The following SPTLC3 variants were observed in gnomAD, a reference collection of about 807,000 sequenced individuals.
SPTLC3 encodes the protein serine palmitoyltransferase 3.
SPTLC3 carries 36 observed loss-of-function variants against 59.3 expected under a neutral mutation model. That is an observed-to-expected ratio of 0.61 (90% CI 0.47 to 0.80). The LOEUF (loss-of-function observed/expected upper bound fraction) is 0.80, where lower values mean the gene tolerates loss of function less well. Ranked by LOEUF, SPTLC3 falls within the 30% of genes least tolerant of loss-of-function variation. SPTLC3 has a pLI of 0.00. For synonymous variants in SPTLC3, 257 were observed against 240.8 expected (o/e 1.07, Z -0.62); for missense variants, 625 against 685.1 (o/e 0.91, Z 0.98).
At chr20:13,072,471 T>A in intron 3 of SPTLC3, 61 bp downstream of exon 3, 1 of 1,456,850 alleles carries the variant, frequency 6.9e-7, no homozygotes, top group Non-Finnish European at 9.2e-7. Context: ...AATCCTAGCA[T>A]GGCCACTAGA....
At chr20:13,017,226 C>A (rs1432884535) in intron 1 of SPTLC3, among the ~76,000 whole-genome samples, 2 of 152,142 alleles carry the variant, frequency 1.3e-5, no homozygotes, top group Admixed American at 1.3e-4. Context: ...ACAAATGACA[C>A]CAAACTGTCA....
chr20:13,136,351 C>T (rs952421170), intron 9 of SPTLC3, among the ~76,000 whole-genome samples: 1 of 152,098 alleles, frequency 6.6e-6, no homozygotes, highest in Non-Finnish European at 1.5e-5. Flanking sequence ...AATTCCAGCA[C>T]TTTGCGAGGC....
At chr20:13,067,874 A>G (rs1988285451) in intron 2 of SPTLC3, among the ~76,000 whole-genome samples, 1 of 152,248 alleles carries the variant, frequency 6.6e-6, no homozygotes. Flanking sequence ...TGTAGACGCA[A>G]ATGAATAACA....
chr20:13,074,533 T>G, intron 4 of SPTLC3, 36 bp downstream of exon 4: 2 of 1,583,604 alleles, frequency 1.3e-6, no homozygotes, highest in Non-Finnish European at 1.7e-6. Context: ...TTTTTGCTGT[T>G]AGGTCTCAGA....
At chr20:13,041,242 CAT>C (rs1277671404) in intron 1 of SPTLC3, among the ~76,000 whole-genome samples, 2 of 152,050 alleles carry the variant, frequency 1.3e-5, no homozygotes, top group Non-Finnish European at 2.9e-5. Context: ...CGGTATCCCA[CAT>C]GTTTCAGAGG....
intron 8 of SPTLC3, among the ~76,000 whole-genome samples, chr20:13,123,625 C>A (rs900891528): frequency 1.1e-4 from 17 of 152,154 alleles, no homozygotes; most frequent in Non-Finnish European, 2.5e-4. Flanking sequence ...AGTTCCTCAT[C>A]CCCTTGTCTC....
chr20:13,073,695 C>G, intron 3 of SPTLC3: 1 of 395,998 alleles, frequency 2.5e-6, no homozygotes, highest in South Asian at 2.4e-5. Context: ...TCTGCTTGTT[C>G]ATTGCTGCAG....
intron 1 of SPTLC3, among the ~76,000 whole-genome samples, chr20:13,019,773 C>A (rs1456095805): frequency 6.6e-6 from 1 of 152,194 alleles, no homozygotes; most frequent in Non-Finnish European, 1.5e-5. Context: ...TTCTCTAAAT[C>A]TGGTCTAACT....
At chr20:13,056,513 T>A in intron 2 of SPTLC3, among the ~76,000 whole-genome samples, 1 of 148,652 alleles carries the variant, frequency 6.7e-6, no homozygotes, top group South Asian at 2.1e-4. Context: ...ACTAATGCAA[T>A]CTCGGCTCAC....
intron 9 of SPTLC3, among the ~76,000 whole-genome samples, chr20:13,142,975 G>T (rs2038420740): frequency 6.6e-6 from 1 of 152,110 alleles, no homozygotes; most frequent in Non-Finnish European, 1.5e-5. Context: ...GACCTAATCA[G>T]GGCTCTCTTA....
chr20:13,084,745 TTATAGAA>T (rs1236596240), intron 4 of SPTLC3, among the ~76,000 whole-genome samples: 1 of 152,218 alleles, frequency 6.6e-6, no homozygotes, highest in African/African-American at 2.4e-5. Context: ...GTTGCTTACT[TTATAGAA>T]TATGTGTAGG....
intron 9 of SPTLC3, among the ~76,000 whole-genome samples, chr20:13,137,304 T>A (rs1360079189): frequency 6.6e-6 from 1 of 152,164 alleles, no homozygotes; most frequent in Non-Finnish European, 1.5e-5. Context: ...GGCTGTAGAA[T>A]TCTACTTGCA....
chr20:13,101,623 C>A (rs1306680821), intron 6 of SPTLC3, among the ~76,000 whole-genome samples: 1 of 152,200 alleles, frequency 6.6e-6, no homozygotes, highest in African/African-American at 2.4e-5. Context: ...TCAGCTGCAA[C>A]CAGGAACCAA....
Position 13,091,215 on chromosome 20 carries a change from T to C in SPTLC3, c.732+8T>C, listed in dbSNP as rs369827517. On this transcript the variant is annotated splice_region_variant and intron_variant, in intron 5 of 11. Transcript: ENST00000399002. The stretch of plus-strand genomic sequence containing the variant: ...CCAGCATTAGTTGGAAAGGTGAGAA[T>C]TGTTAACCTAATTGTCTTCTACTGT... 5.0e-5 allele frequency: 80 copies of C among 1,612,892 alleles called. No homozygotes were observed. Among genetic ancestry groups the C allele is most frequent in the Middle Eastern group, 1.6e-4 (1 of 6,076 alleles).
At chr20:13,134,763 C>CAA (rs5840554) in intron 9 of SPTLC3, among the ~76,000 whole-genome samples, 10 of 144,938 alleles carry the variant, frequency 6.9e-5, no homozygotes, top group African/African-American at 2.5e-4. Flanking sequence ...AAGGACCTAG[C>CAA]AAAAAAAAAG....
chr20:13,009,122 C>T lies in SPTLC3; in HGVS notation c.-146C>T. ...GATCTGACAAAAAGATAGGCTGTTGCTCTTCTTCTGGAAAAGCCTGATTGG... is the reference window on the plus strand; with the variant it reads ...GATCTGACAAAAAGATAGGCTGTTGTTCTTCTTCTGGAAAAGCCTGATTGG... On this transcript the variant is annotated 5_prime_UTR_variant, in exon 1 of 12. Coordinates refer to ENST00000399002, the MANE Select transcript of SPTLC3 (RefSeq NM_018327.4). The T allele has an allele frequency of 1.5e-6, 1 of 664,552 alleles. No individual in the cohort carries two copies. Among genetic ancestry groups the T allele is most frequent in the East Asian group, 2.6e-5 (1 of 39,012 alleles). The allele number at this position is 664,552 out of a possible 1,614,324, so 41.2% of individuals were successfully genotyped here. A position where few individuals can be genotyped will look rare whatever the true frequency, so the allele number is the denominator to read the frequency against.
chr20:13,125,598 T>A (rs2037970385), intron 8 of SPTLC3, among the ~76,000 whole-genome samples: 1 of 152,240 alleles, frequency 6.6e-6, no homozygotes, highest in African/African-American at 2.4e-5. Context: ...CATCTGGGCT[T>A]GCTTCTGTAC....
chr20:13,036,944 GC>G (rs1207600819), intron 1 of SPTLC3, among the ~76,000 whole-genome samples: 3 of 152,118 alleles, frequency 2.0e-5, no homozygotes, highest in African/African-American at 7.2e-5. Context: ...TTCTCTCATA[GC>G]AAGTCTAGTA....
Position 13,072,270 on chromosome 20 carries a change from G to C in SPTLC3, c.318G>C (p.Leu106=). Reference sequence around the variant, plus strand: ...TGTTCTAACAGGATTTTGTGCCACTGTATCAAGACTTTGAAAATTTTTATA... The same window carrying C: ...TGTTCTAACAGGATTTTGTGCCACTCTATCAAGACTTTGAAAATTTTTATA... ...ERKEQKDFVP[L]YQDFENFYTR... Residue 106 remains leucine (L), a synonymous_variant, in exon 3 of 12, where the codon CTG becomes CTC. Transcript: ENST00000399002. The C allele has an allele frequency of 6.2e-7, 1 of 1,613,076 alleles. No homozygotes were observed. Among genetic ancestry groups the C allele is most frequent in the South Asian group, 1.1e-5 (1 of 90,866 alleles).
Sources: gnomAD v4.1 joint callset for allele counts (sites outside exome capture counted in the v4.1 genomes callset) on GRCh38, gnomAD v4.1.1 for gene constraint, MANE v1.5 for transcripts, NCBI Gene and HGNC (gene_info 2026-07-23, HGNC 2026-07-21) for gene names.